The following ITPK1 variants were observed in gnomAD, a reference collection of about 807,000 sequenced individuals.
ITPK1 encodes inositol 1,3,4-trisphosphate 5/6-kinase.
Under a neutral mutation model 45.3 loss-of-function variants are expected in ITPK1, and 21 were observed. The ratio of observed to expected loss-of-function variants is 0.46; its 90% CI spans 0.33 to 0.67. The LOEUF is 0.67. ITPK1 is among the 30% of genes least tolerant of loss of function. The probability of loss-of-function intolerance (pLI) is 0.02; values close to 1 mark genes in which losing one functional copy is unlikely to be tolerated. For synonymous variants in ITPK1, 258 were observed against 253.6 expected, an observed-to-expected ratio of 1.02 and a Z score of -0.16; for missense variants, 474 against 573.5, an observed-to-expected ratio of 0.83 and a Z score of 1.77.
chr14:93,040,682 C>A (rs913005338), intron 3 of ITPK1, among the ~76,000 whole-genome samples: 1 of 152,192 alleles, frequency 6.6e-6, no homozygotes, highest in East Asian at 1.9e-4. Flanking sequence ...CCCCCTCTCC[C>A]CCCCGCAGGA....
chr14:92,941,650 G>A lies in ITPK1; in HGVS notation c.1156C>T (p.His386Tyr), dbSNP rs751225694. 9.7e-6 allele frequency: 15 copies of A among 1,540,398 alleles called. No homozygotes were observed. In the Admixed American group the frequency reaches 2.2e-4, roughly 22 times the overall value. ...CCGGCGTTGCAGCCGAGTCTCTGGT[G>A]CGGCAGCTTGGCGGTGCCGCCCGCG... ...ADAGGTAKLP[H>Y]QRLGCNAGVS... The change falls in exon 11 of 11, where the codon CAC becomes TAC. Residue 386 changes from histidine (H) to tyrosine (Y), a missense_variant. Physicochemically the swap from His to Tyr is moderately conservative, Grantham distance 83. This residue lies in a region of ITPK1 where 107 missense variants were observed against 92.9 expected (regional missense o/e 1.15). Coordinates refer to ENST00000267615, the MANE Select transcript of ITPK1 (RefSeq NM_014216.6).
At chr14:93,054,333 G>A (rs1212094494) in intron 3 of ITPK1, among the ~76,000 whole-genome samples, 14 of 152,204 alleles carry the variant, frequency 9.2e-5, no homozygotes, top group African/African-American at 3.4e-4. Context: ...GCCCATGTCT[G>A]CTGCATGGAA....
chr14:93,062,571 T>G (rs1180509756), intron 3 of ITPK1, among the ~76,000 whole-genome samples: 2 of 152,198 alleles, frequency 1.3e-5, no homozygotes, highest in Admixed American at 6.5e-5. Flanking sequence ...GTAACACATT[T>G]TGTTCCCACA....
rs1423131330 is a variant in ITPK1 at position 93,034,357 on chromosome 14, A to G, written c.121-17556T>C. On this transcript the variant is annotated intron_variant, in intron 3 of 10. Coordinates refer to ENST00000267615, the MANE Select transcript of ITPK1 (RefSeq NM_014216.6). This position sits in a 1 kb window ranked among gnomAD's most constrained non-coding sequence, Gnocchi z 4.1. ...GTGACTGGGCTCACAAAATGCAAAA[A>G]GGCTCCTGAGTCTCTTGATTCTGAC... is the stretch of plus-strand genomic sequence containing the variant. Among the ~76,000 whole-genome samples, 1 of 152,082 alleles carries G rather than the reference A, an allele frequency of 6.6e-6. No homozygotes were observed. The highest frequency in any genetic ancestry group is 1.5e-5 in the Non-Finnish European group (1 of 67,988).
intron 3 of ITPK1, among the ~76,000 whole-genome samples, chr14:93,051,359 T>C (rs1157807418): frequency 6.6e-6 from 1 of 152,198 alleles, no homozygotes; most frequent in Non-Finnish European, 1.5e-5. Flanking sequence ...CTCACACCTG[T>C]AATCCCTGCA....
Position 93,115,855 on chromosome 14 carries a change from T to TCGCCGCCCCTGCC in ITPK1, c.-239_-227dup, listed in dbSNP as rs1555378325. The TCGCCGCCCCTGCC allele has an allele frequency of 5.6e-5, 8 of 141,772 alleles. No homozygotes were observed. The highest frequency in any genetic ancestry group is 1.8e-4 in the African/African-American group (7 of 39,058). 8.8% of individuals were successfully genotyped at this position (141,772 alleles called of 1,614,324 possible). A position where few individuals can be genotyped will look rare whatever the true frequency, so the allele number is the denominator to read the frequency against. Reference sequence around the variant, plus strand: ...AGGGCGGCGGCGAGCGCCCGCGCACTCGCCGCCCCTGCCCGCCGCCGCCCC... The same window carrying TCGCCGCCCCTGCC: ...AGGGCGGCGGCGAGCGCCCGCGCACTCGCCGCCCCTGCCCGCCGCCCCTGCCCGCCGCCGCCCC... On this transcript the variant is annotated 5_prime_UTR_variant, in exon 1 of 11. Transcript: ENST00000267615.
intron 5 of ITPK1, among the ~76,000 whole-genome samples, chr14:92,966,473 A>T (rs1199104628): frequency 6.6e-6 from 1 of 152,254 alleles, no homozygotes; most frequent in Non-Finnish European, 1.5e-5. Context: ...AAAGACACAC[A>T]AGGCTCATTA....
intron 5 of ITPK1, among the ~76,000 whole-genome samples, chr14:92,986,986 A>G (rs899103949): frequency 1.1e-4 from 17 of 152,300 alleles, no homozygotes; most frequent in African/African-American, 3.4e-4. Flanking sequence ...TGCCCTGTCC[A>G]CAGTGCCCAC....
intron 5 of ITPK1, among the ~76,000 whole-genome samples, chr14:92,973,809 A>G (rs150583788): frequency 1.3e-4 from 20 of 152,300 alleles, no homozygotes; most frequent in African/African-American, 3.1e-4. Flanking sequence ...CCGGGATGCA[A>G]GCGACAGAGA....
In ITPK1 at chr14:93,034,431, C is replaced by T. The variant is rs183035947; in HGVS notation, c.121-17630G>A. On this transcript the variant is annotated intron_variant, in intron 3 of 10. Coordinates refer to ENST00000267615, the MANE Select transcript of ITPK1 (RefSeq NM_014216.6). The surrounding 1 kb of genome is among the most constrained non-coding windows in gnomAD (Gnocchi z 4.1). Reference sequence around the variant, plus strand: ...TACAGGCCTCCTCAGAGGGCGACTCCGGCCCCTCTGCCCAGTCTGTGCCTT... The same window carrying T: ...TACAGGCCTCCTCAGAGGGCGACTCTGGCCCCTCTGCCCAGTCTGTGCCTT... Among the ~76,000 whole-genome samples the T allele has an allele frequency of 5.9e-5, 9 of 152,308 alleles. No individual in the cohort carries two copies. Among genetic ancestry groups the T allele is most frequent in the Non-Finnish European group, 7.4e-5 (5 of 68,018 alleles).
intron 2 of ITPK1, among the ~76,000 whole-genome samples, chr14:93,114,705 G>T (rs1380665439): frequency 6.6e-6 from 1 of 152,122 alleles, no homozygotes; most frequent in Non-Finnish European, 1.5e-5. Context: ...AAAACACTCC[G>T]GTCCAAAAGT....
intron 9 of ITPK1, among the ~76,000 whole-genome samples, chr14:92,951,487 C>T (rs1290382606): frequency 1.3e-5 from 2 of 152,186 alleles, no homozygotes; most frequent in East Asian, 1.9e-4. Context: ...ACGGCCAGAA[C>T]GCCCGTTACC....
At chr14:92,955,523 C>G (rs1009425095) in intron 8 of ITPK1, among the ~76,000 whole-genome samples, 4 of 152,152 alleles carry the variant, frequency 2.6e-5, no homozygotes, top group African/African-American at 9.7e-5. Flanking sequence ...GGGAGGGAAA[C>G]AGTCTCTCTG....
chr14:92,960,007 A>G (rs1201262512), intron 7 of ITPK1, among the ~76,000 whole-genome samples: 2 of 152,198 alleles, frequency 1.3e-5, no homozygotes, highest in Admixed American at 6.5e-5. Context: ...TACCCCTGGA[A>G]TCTGTGAGAA....
intron 5 of ITPK1, among the ~76,000 whole-genome samples, chr14:92,990,453 A>G (rs4905023): frequency 0.018 from 2,750 of 152,238 alleles, 71 homozygotes; most frequent in Admixed American, 0.08. Context: ...CATCAGAGAG[A>G]AAGGAAGTTC....
chr14:93,093,482 C>A (rs1891945139), intron 2 of ITPK1, among the ~76,000 whole-genome samples: 4 of 152,204 alleles, frequency 2.6e-5, no homozygotes, highest in Admixed American at 2.0e-4. Flanking sequence ...TGAAGTCAGG[C>A]CTTGACCTCA....
intron 2 of ITPK1, among the ~76,000 whole-genome samples, chr14:93,109,995 C>T (rs1220788796): frequency 6.6e-6 from 1 of 152,200 alleles, no homozygotes; most frequent in African/African-American, 2.4e-5. Context: ...CAGGCACTAT[C>T]CTGGACCCTT....
At chr14:92,983,007 A>G (rs1595109231) in intron 5 of ITPK1, among the ~76,000 whole-genome samples, 1 of 152,350 alleles carries the variant, frequency 6.6e-6, no homozygotes, top group East Asian at 1.9e-4. Flanking sequence ...GTTACAGTCC[A>G]ATACAGCAAG....
chr14:93,106,587 T>C (rs144405466), intron 2 of ITPK1, among the ~76,000 whole-genome samples: 1 of 152,186 alleles, frequency 6.6e-6, no homozygotes, highest in African/African-American at 2.4e-5. Context: ...AGAGAGGCCT[T>C]CTCTGACCAC....
Sources: gnomAD v4.1 joint callset for allele counts (sites outside exome capture counted in the v4.1 genomes callset) on GRCh38, gnomAD v4.1.1 for gene constraint, gnomAD v4.1.1 regional missense constraint, Gnocchi (gnomAD v3.1) non-coding constraint, MANE v1.5 for transcripts, NCBI Gene and HGNC (gene_info 2026-07-23, HGNC 2026-07-21) for gene names.